The following GALK2 variants were observed in gnomAD, a reference collection of about 807,000 sequenced individuals.
GALK2 encodes N-acetylgalactosamine kinase.
A neutral mutation model predicts 52.4 loss-of-function variants in GALK2; 36 were observed. That is an observed-to-expected ratio of 0.69 (90% CI 0.53 to 0.91). GALK2 has a LOEUF of 0.91. GALK2 is among the 40% of genes least tolerant of loss of function. The pLI, the probability that GALK2 is intolerant of heterozygous loss-of-function variation, is 0.00. For missense variants in GALK2, 579 were observed against 559.1 expected (o/e 1.04, Z -0.36); for synonymous variants, 176 against 199.1 (o/e 0.88, Z 0.98).
chr15:49,247,229 G>T lies in GALK2; in HGVS notation c.504+7862G>T, dbSNP rs192502512. Among the ~76,000 whole-genome samples, 49 of 152,232 alleles carry T rather than the reference G, an allele frequency of 3.2e-4. 1 individual carries two copies. Among genetic ancestry groups the T allele is most frequent in the African/African-American group, 1.2e-3 (49 of 41,538 alleles). On this transcript the variant is annotated intron_variant, in intron 5 of 9. Transcript: ENST00000560031. ...GTGGTTGGGGTGTGGTGAGACAGAAGCGGGGAGAGGTGGGAGGTGAGTTGA... is the reference window on the plus strand; with the variant it reads ...GTGGTTGGGGTGTGGTGAGACAGAATCGGGGAGAGGTGGGAGGTGAGTTGA...
At chr15:49,288,584 A>G (rs757770833) in intron 7 of GALK2, among the ~76,000 whole-genome samples, 82 of 152,290 alleles carry the variant, frequency 5.4e-4, no homozygotes, top group Non-Finnish European at 9.9e-4. Flanking sequence ...TCAAGAATGT[A>G]GCCAATTTCA....
intron 3 of GALK2, among the ~76,000 whole-genome samples, chr15:49,346,843 G>C (rs2041579717): frequency 6.6e-6 from 1 of 152,158 alleles, no homozygotes; most frequent in Admixed American, 6.5e-5. Flanking sequence ...CTACATTCTT[G>C]AAATAAGCTT....
intron 3 of GALK2, among the ~76,000 whole-genome samples, chr15:49,354,776 C>T (rs997601254): frequency 2.6e-5 from 4 of 152,066 alleles, no homozygotes; most frequent in African/African-American, 7.2e-5. Flanking sequence ...TAGGCTCCAC[C>T]TCTGGGGGCA....
intron 1 of GALK2, among the ~76,000 whole-genome samples, chr15:49,183,306 A>G (rs1418410295): frequency 1.3e-5 from 2 of 151,946 alleles, no homozygotes; most frequent in African/African-American, 4.8e-5. Flanking sequence ...TATTTCTATA[A>G]ACTTTTCTCT....
At chr15:49,310,457 T>A (rs1389613297) in intron 8 of GALK2, among the ~76,000 whole-genome samples, 2 of 152,214 alleles carry the variant, frequency 1.3e-5, no homozygotes, top group Non-Finnish European at 2.9e-5. Flanking sequence ...TTTAGAAACC[T>A]CTATACTGTT....
intron 1 of GALK2, among the ~76,000 whole-genome samples, chr15:49,190,699 G>T (rs1343145909): frequency 6.6e-6 from 1 of 152,160 alleles, no homozygotes; most frequent in Non-Finnish European, 1.5e-5. Flanking sequence ...GGATGCTCCT[G>T]TAACAGTAGT....
intron 7 of GALK2, among the ~76,000 whole-genome samples, chr15:49,288,222 A>C (rs1054845139): frequency 1.1e-4 from 17 of 152,180 alleles, no homozygotes; most frequent in African/African-American, 4.1e-4. Flanking sequence ...TCCCTTAGTT[A>C]TGTTGAAGAA....
intron 9 of GALK2, among the ~76,000 whole-genome samples, chr15:49,324,266 A>G (rs1169419984): frequency 6.6e-6 from 1 of 152,154 alleles, no homozygotes; most frequent in Non-Finnish European, 1.5e-5. Flanking sequence ...TCTTTCTGCA[A>G]TGTATTCCAT....
At chr15:49,216,494 C>G (rs1029639064) in intron 2 of GALK2, among the ~76,000 whole-genome samples, 2 of 152,236 alleles carry the variant, frequency 1.3e-5, no homozygotes, top group African/African-American at 4.8e-5. Context: ...CGATCAGGCA[C>G]TCCCCTGGCT....
intron 9 of GALK2, among the ~76,000 whole-genome samples, chr15:49,324,086 T>C (rs1161404545): frequency 6.6e-6 from 1 of 152,192 alleles, no homozygotes; most frequent in Non-Finnish European, 1.5e-5. Context: ...GGTTCCCTCG[T>C]TTTACTTAAG....
Position 49,230,613 on chromosome 15 carries a change from A to G in GALK2, c.267-5238A>G, listed in dbSNP as rs572937824. On this transcript the variant is annotated intron_variant, in intron 3 of 9. Transcript: ENST00000560031. ...GGCATTCTTCTGTGCCTCCGACTTC[A>G]TATTTTTTTTGATGCTACTCTTATT... Among the ~76,000 whole-genome samples the G allele has an allele frequency of 2.6e-5, 4 of 152,240 alleles. No homozygotes were observed. The East Asian group carries it at 7.7e-4, about 29-fold the overall frequency.
intron 5 of GALK2, among the ~76,000 whole-genome samples, chr15:49,240,701 G>T (rs1595796918): frequency 6.6e-6 from 1 of 152,300 alleles, no homozygotes; most frequent in South Asian, 2.1e-4. Flanking sequence ...ATCATGGCTT[G>T]TTGGAGTAAC....
intron 3 of GALK2, among the ~76,000 whole-genome samples, chr15:49,347,951 G>A (rs1383414687): frequency 6.7e-6 from 1 of 150,330 alleles, no homozygotes; most frequent in Non-Finnish European, 1.5e-5. Context: ...CTTGGGAGGT[G>A]GAGGCTGCAG....
chr15:49,314,120 A>C (rs1010446388), intron 8 of GALK2, among the ~76,000 whole-genome samples: 1 of 152,256 alleles, frequency 6.6e-6, no homozygotes, highest in Non-Finnish European at 1.5e-5. Context: ...GCCCTGATTT[A>C]GATTCCTTGA....
At chr15:49,245,947 G>A (rs1292740715) in intron 5 of GALK2, among the ~76,000 whole-genome samples, 2 of 152,114 alleles carry the variant, frequency 1.3e-5, no homozygotes, top group African/African-American at 2.4e-5. Context: ...TATGTCTTCT[G>A]TATTGACACC....
intron 1 of GALK2, among the ~76,000 whole-genome samples, chr15:49,192,495 A>ATATATATATATATG: frequency 5.9e-5 from 1 of 17,016 alleles, no homozygotes; most frequent in Admixed American, 1.2e-3. Flanking sequence ...GTATATATAT[A>ATATATATATATATG]TATATATATA....
intron 8 of GALK2, among the ~76,000 whole-genome samples, chr15:49,302,570 A>G (rs1312612307): frequency 6.6e-6 from 1 of 152,228 alleles, no homozygotes; most frequent in East Asian, 1.9e-4. Flanking sequence ...GGTGCTTTAC[A>G]ATGTAAAAAG....
chr15:49,291,457 T>G (rs1171920255), intron 7 of GALK2, among the ~76,000 whole-genome samples: 1 of 152,182 alleles, frequency 6.6e-6, no homozygotes, highest in Non-Finnish European at 1.5e-5. Flanking sequence ...GATGCACATT[T>G]TCTTGAAGAC....
chr15:49,339,234 C>G (rs2151206326), intron 3 of GALK2, among the ~76,000 whole-genome samples: 1 of 152,266 alleles, frequency 6.6e-6, no homozygotes, highest in Non-Finnish European at 1.5e-5. Flanking sequence ...AATTTTCAGT[C>G]TTTTTGCGCT....
Sources: gnomAD v4.1 joint callset for allele counts (sites outside exome capture counted in the v4.1 genomes callset) on GRCh38, gnomAD v4.1.1 for gene constraint, MANE v1.5 for transcripts, NCBI Gene and HGNC (gene_info 2026-07-23, HGNC 2026-07-21) for gene names.